The following SCIN variants were observed in gnomAD, a reference collection of about 807,000 sequenced individuals.
The protein encoded by SCIN is adseverin.
A neutral mutation model predicts 91.8 loss-of-function variants in SCIN; 91 were observed. The ratio of observed to expected loss-of-function variants is 0.99; its 90% CI spans 0.84 to 1.18. SCIN has a LOEUF of 1.18. Ranked by LOEUF, SCIN falls within the 50% of genes most tolerant of loss-of-function variation. The pLI, the probability that SCIN is intolerant of heterozygous loss-of-function variation, is 0.00. For missense variants in SCIN, 1,087 were observed against 863.9 expected, an observed-to-expected ratio of 1.26 and a Z score of -3.24; for synonymous variants, 367 against 312.6, an observed-to-expected ratio of 1.17 and a Z score of -1.84.
At chr7:12,607,023 T>C (rs1222159948) in intron 4 of SCIN, among the ~76,000 whole-genome samples, 2 of 152,236 alleles carry the variant, frequency 1.3e-5, no homozygotes, top group Admixed American at 1.3e-4. Context: ...TCTAGTTGAC[T>C]GTAATCCCTT....
chr7:12,626,128 A>C (rs1783517206), intron 7 of SCIN: 3 of 377,680 alleles, frequency 7.9e-6, no homozygotes, highest in Non-Finnish European at 1.4e-5. Flanking sequence ...AGCTAAGAGC[A>C]CTTAAGAGTT....
At chr7:12,617,538 A>G (rs542715504) in intron 4 of SCIN, among the ~76,000 whole-genome samples, 77 of 152,258 alleles carry the variant, frequency 5.1e-4, no homozygotes, top group Admixed American at 4.1e-3. Flanking sequence ...AGAAAAGGCA[A>G]ATGACCTGAA....
intron 9 of SCIN, among the ~76,000 whole-genome samples, chr7:12,629,659 A>G (rs900410251): frequency 6.6e-6 from 1 of 152,224 alleles, no homozygotes. Context: ...TGATACCTCA[A>G]CTTGATGCAA....
At chr7:12,633,560 C>A (rs995335835) in intron 9 of SCIN, among the ~76,000 whole-genome samples, 5 of 151,982 alleles carry the variant, frequency 3.3e-5, no homozygotes, top group African/African-American at 1.2e-4. Flanking sequence ...TGTCATGAGG[C>A]AGAACTTAGT....
In SCIN at chr7:12,605,074, C is replaced by T. The variant is rs865822781; in HGVS notation, c.666+411C>T. 7.9e-5 allele frequency among the ~76,000 whole-genome samples: 12 copies of T among 152,082 alleles called. No individual in the cohort carries two copies. In the South Asian group the frequency reaches 1.0e-3, roughly 13 times the overall value. Reference sequence around the variant, plus strand: ...TGTTTTTTTGTTTTTGTTTTTGAGACGGAGTCTTGCTCTGTCGCCCAGGCT... The same window carrying T: ...TGTTTTTTTGTTTTTGTTTTTGAGATGGAGTCTTGCTCTGTCGCCCAGGCT... On this transcript the variant is annotated intron_variant, in intron 4 of 15. Transcript: ENST00000297029.
intron 3 of SCIN, among the ~76,000 whole-genome samples, chr7:12,601,099 A>G (rs1255941410): frequency 6.6e-6 from 1 of 152,172 alleles, no homozygotes; most frequent in Non-Finnish European, 1.5e-5. Flanking sequence ...AGAGAAGGAG[A>G]TTGCTAGACG....
chr7:12,615,632 C>G (rs1783283613), intron 4 of SCIN, among the ~76,000 whole-genome samples: 2 of 152,070 alleles, frequency 1.3e-5, no homozygotes, highest in Admixed American at 1.3e-4. Context: ...TGTTTTTTAT[C>G]TCTTACCATT....
At chr7:12,622,747 G>A in intron 4 of SCIN, 54 bp from the exon 5 acceptor site, 1 of 1,199,420 alleles carries the variant, frequency 8.3e-7, no homozygotes, top group South Asian at 1.2e-5. Flanking sequence ...TTCTAACTCT[G>A]CATCCTTCAA....
chr7:12,574,557 C>T (rs114732039), intron 1 of SCIN, among the ~76,000 whole-genome samples: 1,619 of 152,080 alleles, frequency 0.011, 19 homozygotes, highest in African/African-American at 0.026. Flanking sequence ...TGAGAAAATA[C>T]GAATAAAATA....
Position 12,626,592 on chromosome 7 carries a change from T to C in SCIN, c.990T>C (p.Val330=). The C allele has an allele frequency of 6.5e-7, 1 of 1,542,690 alleles. No individual in the cohort carries two copies. The highest frequency in any genetic ancestry group is 1.2e-5 in the South Asian group (1 of 82,756). Residue 330 remains valine (V), a synonymous_variant, in exon 8 of 16, where the codon GTT becomes GTC. Transcript: ENST00000297029. The part of the protein sequence containing the change: ...MNYSKNTQIQ[V]LPEGGETPIF... ...ATTATTTTAAATTTCAGATTCAAGT[T>C]CTTCCAGAAGGAGGTGAAACACCAA...
At chr7:12,605,279 G>C (rs1783054693) in intron 4 of SCIN, among the ~76,000 whole-genome samples, 1 of 152,106 alleles carries the variant, frequency 6.6e-6, no homozygotes, top group African/African-American at 2.4e-5. Context: ...CTGATCCCCT[G>C]ACCTTGTGAT....
At chr7:12,601,800 G>GTAA (rs765585003) in intron 3 of SCIN, among the ~76,000 whole-genome samples, 16 of 152,144 alleles carry the variant, frequency 1.1e-4, no homozygotes, top group Non-Finnish European at 2.1e-4. Flanking sequence ...CTACTTAAAT[G>GTAA]TAATTATATT....
chr7:12,617,662 G>T (rs1013984871), intron 4 of SCIN, among the ~76,000 whole-genome samples: 2 of 152,152 alleles, frequency 1.3e-5, no homozygotes, highest in African/African-American at 4.8e-5. Flanking sequence ...ATGCTTGGCA[G>T]ACCTATCCCA....
intron 10 of SCIN, among the ~76,000 whole-genome samples, chr7:12,637,840 C>G (rs1275606987): frequency 8.4e-6 from 1 of 119,044 alleles, no homozygotes; most frequent in Non-Finnish European, 1.8e-5. Flanking sequence ...ACTTATCTAT[C>G]TTAGCTATCT....
chr7:12,599,682 GT>G (rs1026543351), intron 3 of SCIN, among the ~76,000 whole-genome samples: 2 of 148,690 alleles, frequency 1.3e-5, no homozygotes, highest in African/African-American at 2.5e-5. Context: ...ACCAACATCT[GT>G]TTTTTTTTTA....
At position 12,581,190 on chromosome 7, in the gene SCIN, A is replaced by C. The variant is rs1274909695; in HGVS notation, c.485A>C (p.Lys162Thr). 10 of 1,551,514 alleles carry C rather than the reference A, an allele frequency of 6.4e-6. No homozygotes were observed. Among genetic ancestry groups the C allele is most frequent in the Non-Finnish European group, 8.7e-6 (10 of 1,146,792 alleles). Residue 162 changes from lysine to threonine, a missense_variant, in exon 3 of 16, where the codon AAG (lysine) becomes ACG (threonine). By Grantham distance (78) the Lys-to-Thr change is moderately conservative (BLOSUM62 -1). Transcript: ENST00000297029. ...CCCCTTAGCTGGGACAGTTTCAACA[A>C]GGGTGACTGCTTCATCATTGACCTT... ...EVPLSWDSFN[K>T]GDCFIIDLGT...
intron 4 of SCIN, among the ~76,000 whole-genome samples, chr7:12,611,849 A>T (rs1307028969): frequency 6.6e-6 from 1 of 152,140 alleles, no homozygotes; most frequent in East Asian, 1.9e-4. Flanking sequence ...GTGTTCAAGG[A>T]TGCTGTGAGC....
chr7:12,590,753 T>G (rs1782704631), intron 3 of SCIN, among the ~76,000 whole-genome samples: 1 of 152,130 alleles, frequency 6.6e-6, no homozygotes, highest in Admixed American at 6.5e-5. Flanking sequence ...AGTGTATAAC[T>G]CCTGCTTTAG....
Position 12,649,643 on chromosome 7 carries a change from A to G in SCIN, c.1959+99A>G, listed in dbSNP as rs12112414. ...GGTAAGTCTAGATATAAATGAGCCT[A>G]GAGATTTAGGCTGTATTTAAAAAAC... On this transcript the variant is annotated intron_variant, in intron 14 of 15. Coordinates refer to ENST00000297029, the MANE Select transcript of SCIN (RefSeq NM_001112706.3). 1.1e-4 allele frequency: 75 copies of G among 712,638 alleles called. No homozygotes were observed. In the African/African-American group the frequency reaches 1.3e-3, roughly 12 times the overall value. 44.1% of individuals were successfully genotyped at this position (712,638 alleles called of 1,614,324 possible).
Sources: allele counts gnomAD v4.1 joint callset (sites outside exome capture counted in the v4.1 genomes callset), GRCh38; gene constraint gnomAD v4.1.1; transcripts MANE v1.5; gene names NCBI Gene and HGNC (gene_info 2026-07-23, HGNC 2026-07-21).